MAP2: variants seen among roughly 807,000 people sequenced by gnomAD.
MAP2 encodes the protein microtubule associated protein 2, also known as microtubule-associated protein 2.
In MAP2, 14 loss-of-function variants were observed where a neutral mutation model predicts 137.6. The ratio of observed to expected loss-of-function variants is 0.10; its 90% CI spans 0.07 to 0.16. The LOEUF (loss-of-function observed/expected upper bound fraction) is 0.16, where lower values mean the gene tolerates loss of function less well. Among genes scored for constraint, MAP2 ranks in the 10% least tolerant of loss-of-function variants. The pLI is 1.00. For synonymous variants in MAP2, 786 were observed against 782.3 expected, an observed-to-expected ratio of 1.00 and a Z score of -0.08; for missense variants, 2,088 against 2,191.5, an observed-to-expected ratio of 0.95 and a Z score of 0.94.
Position 209,732,073 on chromosome 2 carries a change from T to G in MAP2, c.*1676T>G, listed in dbSNP as rs1352484461. The stretch of plus-strand genomic sequence containing the variant: ...GGCTAGATGGACACTTTTTAAAAAT[T>G]TTATCTGTTCTTTTTCTTGCTCAGG... On this transcript the variant is annotated 3_prime_UTR_variant, in exon 16 of 16. Transcript: ENST00000682079. 1 of 152,166 alleles carries G rather than the reference T, an allele frequency of 6.6e-6. No individual in the cohort carries two copies. The highest frequency in any genetic ancestry group is 1.5e-5 in the Non-Finnish European group (1 of 68,042). 9.4% of individuals were successfully genotyped at this position (152,166 alleles called of 1,614,324 possible). A position where few individuals can be genotyped will look rare whatever the true frequency, so the allele number is the denominator to read the frequency against.
chr2:209,492,620 T>C (rs975396108), intron 1 of MAP2, among the ~76,000 whole-genome samples: 8 of 152,146 alleles, frequency 5.3e-5, no homozygotes, highest in Non-Finnish European at 7.4e-5. Flanking sequence ...TGTGGAAAAA[T>C]CACAAGCATT....
chr2:209,428,503 T>C (rs1693216317), intron 1 of MAP2, among the ~76,000 whole-genome samples: 2 of 152,002 alleles, frequency 1.3e-5, no homozygotes, highest in Admixed American at 1.3e-4. Context: ...CCCTTTTCTT[T>C]TCTTCTTTAC....
intron 1 of MAP2, among the ~76,000 whole-genome samples, chr2:209,430,731 C>T (rs556092745): frequency 6.6e-6 from 1 of 152,244 alleles, no homozygotes; most frequent in African/African-American, 2.4e-5. Flanking sequence ...TTAAGAAGTT[C>T]AGGTGACACT....
chr2:209,493,125 A>G (rs1347875944), intron 1 of MAP2, among the ~76,000 whole-genome samples: 1 of 152,164 alleles, frequency 6.6e-6, no homozygotes, highest in African/African-American at 2.4e-5. Flanking sequence ...AAATAATGCC[A>G]CACATCTACA....
chr2:209,550,920 A>G (rs1006606927), intron 2 of MAP2, among the ~76,000 whole-genome samples: 2 of 152,114 alleles, frequency 1.3e-5, no homozygotes, highest in African/African-American at 2.4e-5. Context: ...CGGGAATTTT[A>G]ATATAGGTAG....
chr2:209,678,577 G>A lies in MAP2; in HGVS notation c.268G>A (p.Val90Met), dbSNP rs2053057178. ...TTTGTTACTGTTTATTACAGAGGAG[G>A]TGTCTGCAAGGATAGTTCAAGTAGT... ...TSADRETAEEVSARIVQVVTA... is the reference protein window; with the variant it reads ...TSADRETAEEMSARIVQVVTA... Residue 90 changes from valine to methionine, a missense_variant, in exon 6 of 16, where the codon GTG becomes ATG. Transcript: ENST00000682079. 1 of 1,534,682 alleles carries A rather than the reference G, an allele frequency of 6.5e-7. No individual in the cohort carries two copies.
At chr2:209,682,140 C>G (rs1244918086) in intron 7 of MAP2, among the ~76,000 whole-genome samples, 1 of 152,080 alleles carries the variant, frequency 6.6e-6, no homozygotes, top group Non-Finnish European at 1.5e-5. Context: ...ATTTATTGAG[C>G]CCTACAGTCT....
chr2:209,689,071 C>T (rs2058067886), intron 7 of MAP2, among the ~76,000 whole-genome samples: 1 of 152,110 alleles, frequency 6.6e-6, no homozygotes, highest in South Asian at 2.1e-4. Flanking sequence ...TAAAAAGCTA[C>T]ATGGATTTGA....
intron 2 of MAP2, among the ~76,000 whole-genome samples, chr2:209,552,207 A>G (rs1184366347): frequency 6.6e-6 from 1 of 152,206 alleles, no homozygotes; most frequent in African/African-American, 2.4e-5. Flanking sequence ...AATTAATTAT[A>G]GAAAGACTTA....
At chr2:209,549,906 A>G (rs552415433) in intron 2 of MAP2, among the ~76,000 whole-genome samples, 7 of 152,300 alleles carry the variant, frequency 4.6e-5, no homozygotes, top group Admixed American at 4.6e-4. Context: ...TCTGGGAACT[A>G]TAAGTTTACT....
chr2:209,715,130 G>A (rs576575583), intron 13 of MAP2, among the ~76,000 whole-genome samples: 1 of 152,106 alleles, frequency 6.6e-6, no homozygotes, highest in South Asian at 2.1e-4. Context: ...GGAAAGGTAT[G>A]TTGCATTTTA....
intron 2 of MAP2, among the ~76,000 whole-genome samples, chr2:209,514,027 AAATGG>A (rs2062101891): frequency 6.6e-6 from 1 of 152,168 alleles, no homozygotes. Flanking sequence ...CCTAAGGATT[AAATGG>A]TCTTTTCAGT....
At chr2:209,472,753 G>A (rs577702859) in intron 1 of MAP2, among the ~76,000 whole-genome samples, 2 of 152,110 alleles carry the variant, frequency 1.3e-5, no homozygotes, top group South Asian at 2.1e-4. Context: ...AATTATTGCC[G>A]TCACTGAAAT....
In MAP2 at chr2:209,695,317, A is replaced by T. The variant is rs1353729149; in HGVS notation, c.3147A>T (p.Lys1049Asn). ...CTGTCCAGGGTCAACTAGATGTTAAAATTAGTGACTTTGGACAGATGGCTT... is the reference window on the plus strand; with the variant it reads ...CTGTCCAGGGTCAACTAGATGTTAATATTAGTGACTTTGGACAGATGGCTT... ...DFAVQGQLDV[K>N]ISDFGQMASG... The change falls in exon 8 of 16, where the codon AAA becomes AAT. Residue 1049 changes from lysine to asparagine, a missense_variant. Physicochemically the swap from Lys to Asn is moderately conservative, Grantham distance 94. Transcript: ENST00000682079. 4 of 1,613,944 alleles carry T rather than the reference A, an allele frequency of 2.5e-6. No homozygotes were observed. The highest frequency in any genetic ancestry group is 3.3e-5 in the Admixed American group (2 of 59,996).
chr2:209,527,271 A>G (rs138031873), intron 2 of MAP2, among the ~76,000 whole-genome samples: 180 of 152,210 alleles, frequency 1.2e-3, no homozygotes, highest in Non-Finnish European at 1.9e-3. Context: ...GATATATCTG[A>G]TATATTTTTT....
chr2:209,428,913 CTTTAT>C (rs1167733322), intron 1 of MAP2, among the ~76,000 whole-genome samples: 14 of 148,718 alleles, frequency 9.4e-5, no homozygotes, highest in Admixed American at 3.4e-4. Context: ...CTTTGAATTA[CTTTAT>C]TTTATTTTAT....
chr2:209,669,513 TAA>T (rs2047849577), intron 5 of MAP2, among the ~76,000 whole-genome samples: 1 of 152,102 alleles, frequency 6.6e-6, no homozygotes, highest in Non-Finnish European at 1.5e-5. Flanking sequence ...AGGTAACTAG[TAA>T]AGACTATTCT....
At chr2:209,680,938 A>G in intron 7 of MAP2, 111 bp downstream of exon 7, 1 of 650,174 alleles carries the variant, frequency 1.5e-6, no homozygotes, top group South Asian at 3.4e-5. Flanking sequence ...CAAGCTTTGG[A>G]GCTATCTGTT....
At chr2:209,485,151 A>ACCTTCTGTACAGACTGATTCT (rs1207943482) in intron 1 of MAP2, among the ~76,000 whole-genome samples, 2 of 152,158 alleles carry the variant, frequency 1.3e-5, no homozygotes, top group African/African-American at 4.8e-5. Context: ...TGACGGGCTG[A>ACCTTCTGTACAGACTGATTCT]CCTTCTGTAC....
Sources: allele counts gnomAD v4.1 joint callset (sites outside exome capture counted in the v4.1 genomes callset), GRCh38; gene constraint gnomAD v4.1.1; transcripts MANE v1.5; gene names NCBI Gene and HGNC (gene_info 2026-07-23, HGNC 2026-07-21).